The following PBX4 variants were observed in gnomAD, a reference collection of about 807,000 sequenced individuals.
The protein encoded by PBX4 is PBX homeobox 4.
A neutral mutation model predicts 35.1 loss-of-function variants in PBX4; 26 were observed. The observed-to-expected ratio is 0.74, with a 90% CI of 0.54 to 1.03. The LOEUF is 1.03. PBX4 is among the 50% of genes least tolerant of loss of function. PBX4 has a pLI of 0.00. For missense variants in PBX4, 448 were observed against 504.3 expected, an observed-to-expected ratio of 0.89 and a Z score of 1.07; for synonymous variants, 199 against 204.2, an observed-to-expected ratio of 0.97 and a Z score of 0.22.
In PBX4 at chr19:19,570,878, A is replaced by C. The variant is rs371454452; in HGVS notation, c.194-45T>G. On this transcript the variant is annotated intron_variant, in intron 2 of 7. Coordinates refer to ENST00000251203, the MANE Select transcript of PBX4 (RefSeq NM_025245.3). ...ACAAGTCACAATTCATTTTCTGGAG[A>C]GAAAACAAACCATGAGAAAATGTGA... 4 of 1,599,234 alleles carry C rather than the reference A, an allele frequency of 2.5e-6. No individual in the cohort carries two copies. The South Asian group carries it at 4.5e-5, about 18-fold the overall frequency.
At chr19:19,604,987 G>A (rs558472418) in intron 1 of PBX4, among the ~76,000 whole-genome samples, 106 of 151,868 alleles carry the variant, frequency 7.0e-4, no homozygotes, top group Non-Finnish European at 1.4e-3. Flanking sequence ...CATAGAAGTG[G>A]TATTAACATT....
intron 1 of PBX4, 116 bp downstream of exon 1, chr19:19,618,395 C>T: frequency 1.0e-6 from 1 of 979,760 alleles, no homozygotes; most frequent in South Asian, 2.9e-5. Flanking sequence ...CTCGGGACCC[C>T]CCTCCAGCCC....
intron 1 of PBX4, among the ~76,000 whole-genome samples, chr19:19,616,074 C>A (rs1029837907): frequency 1.3e-5 from 2 of 152,274 alleles, no homozygotes; most frequent in East Asian, 3.9e-4. Context: ...CCTCACCTTA[C>A]AACAGTCCCC....
chr19:19,599,009 C>T (rs2061578695), intron 2 of PBX4, among the ~76,000 whole-genome samples: 1 of 150,476 alleles, frequency 6.6e-6, no homozygotes, highest in Admixed American at 6.7e-5. Flanking sequence ...ACTCTTGTTG[C>T]CCAGGCTGGA....
At chr19:19,597,897 C>T (rs1392834596) in intron 2 of PBX4, among the ~76,000 whole-genome samples, 1 of 152,196 alleles carries the variant, frequency 6.6e-6, no homozygotes, top group Admixed American at 6.5e-5. Flanking sequence ...AGGACACACA[C>T]ATTGCCTCTG....
At position 19,596,839 on chromosome 19, in the gene PBX4, C is replaced by T. The variant is rs893241852; in HGVS notation, c.193+2453G>A. On this transcript the variant is annotated intron_variant, in intron 2 of 7. Coordinates refer to ENST00000251203, the MANE Select transcript of PBX4 (RefSeq NM_025245.3). ...GAGGATGGGGTGTGAGGATCACCCA[C>T]CCAGGAGGCTGAAGTGAGCCAAGAT... Among the ~76,000 whole-genome samples the T allele has an allele frequency of 2.0e-5, 3 of 151,492 alleles. No homozygotes were observed. The South Asian group carries it at 6.2e-4, about 32-fold the overall frequency.
intron 1 of PBX4, among the ~76,000 whole-genome samples, chr19:19,604,251 ACTT>A (rs1391297683): frequency 6.6e-6 from 1 of 151,992 alleles, no homozygotes; most frequent in Non-Finnish European, 1.5e-5. Flanking sequence ...TGGGGGGATC[ACTT>A]GAGGTCAGGA....
chr19:19,586,059 C>T (rs1266726759), intron 2 of PBX4, among the ~76,000 whole-genome samples: 1 of 152,156 alleles, frequency 6.6e-6, no homozygotes, highest in Non-Finnish European at 1.5e-5. Context: ...TAAAACACTG[C>T]AGTTCTGAAA....
chr19:19,576,188 A>G (rs2061418308), intron 2 of PBX4, among the ~76,000 whole-genome samples: 1 of 152,046 alleles, frequency 6.6e-6, no homozygotes, highest in South Asian at 2.1e-4. Flanking sequence ...TCTGGAGTTC[A>G]AGACCAGCCT....
rs547539073 is a variant in PBX4 at position 19,612,972 on chromosome 19, A to C, written c.119+5539T>G. Among the ~76,000 whole-genome samples the C allele has an allele frequency of 6.6e-5, 10 of 151,680 alleles. No homozygotes were observed. The South Asian group carries it at 2.1e-3, about 32-fold the overall frequency. On this transcript the variant is annotated intron_variant, in intron 1 of 7. Transcript: ENST00000251203. ...TAGCTGACACATACTACAGGTGGGCATCATCATGCCCAGCTAATTTTTGTA... is the reference window on the plus strand; with the variant it reads ...TAGCTGACACATACTACAGGTGGGCCTCATCATGCCCAGCTAATTTTTGTA...
At chr19:19,570,916 T>G (rs1182328095) in intron 2 of PBX4, 83 bp from the exon 3 acceptor site, 1 of 1,544,600 alleles carries the variant, frequency 6.5e-7, no homozygotes, top group Non-Finnish European at 8.8e-7. Context: ...ACTGGTGTTA[T>G]GTCTGAAGAT....
chr19:19,564,405 G>T (rs1241215247), intron 6 of PBX4, among the ~76,000 whole-genome samples: 1 of 151,840 alleles, frequency 6.6e-6, no homozygotes. Context: ...TTGGACATTT[G>T]GGTTGGTTCC....
chr19:19,588,062 G>A (rs548357244), intron 2 of PBX4: 7 of 695,854 alleles, frequency 1.0e-5, no homozygotes, highest in East Asian at 8.8e-5. Context: ...GATGTGGGGC[G>A]GTGGGGAGGA....
At chr19:19,568,735 C>T (rs1235959250) in intron 5 of PBX4, among the ~76,000 whole-genome samples, 2 of 152,138 alleles carry the variant, frequency 1.3e-5, no homozygotes, top group African/African-American at 4.8e-5. Flanking sequence ...CTGTATCCCT[C>T]AGGGAGCTCA....
intron 1 of PBX4, among the ~76,000 whole-genome samples, chr19:19,603,307 CTTTTTTTCT>C (rs1307705526): frequency 1.3e-5 from 2 of 151,908 alleles, no homozygotes; most frequent in African/African-American, 2.4e-5. Context: ...GGTTTTTTTT[CTTTTTTTCT>C]TTTTTTTCTT....
At position 19,569,455 on chromosome 19, in the gene PBX4, G is replaced by C. The variant is rs1460955886; in HGVS notation, c.762C>G (p.Ile254Met). The C allele has an allele frequency of 6.2e-7, 1 of 1,611,514 alleles. No homozygotes were observed. Among genetic ancestry groups the C allele is most frequent in the East Asian group, 2.2e-5 (1 of 44,730 alleles). The change falls in exon 5 of 8, where the codon ATC (isoleucine) becomes ATG (methionine). Residue 254 changes from isoleucine (I) to methionine (M), a missense_variant. Physicochemically the swap from Ile to Met is conservative, Grantham distance 10. Coordinates refer to ENST00000251203, the MANE Select transcript of PBX4 (RefSeq NM_025245.3). ...EELARKGGLT[I>M]SQVSNWFGNK... The stretch of plus-strand genomic sequence containing the variant: ...TGGCAGGAGAGAACGTCACCTGGGA[G>C]ATGGTGAGGCCGCCCTTCCTGGCCA...
In PBX4 at chr19:19,562,204, G is replaced by A; in HGVS notation, c.1033-87C>T. On this transcript the variant is annotated intron_variant, in intron 7 of 7. Transcript: ENST00000251203. This position sits in a 1 kb window ranked among gnomAD's most constrained non-coding sequence, Gnocchi z 4.8. ...ACGTGCTGCAGGCGGAGCCTCCAGG[G>A]GTCCCTGGGAAGGCTTGGAAAAGAT... 3 of 991,710 alleles carry A rather than the reference G, an allele frequency of 3.0e-6. No homozygotes were observed. The highest frequency in any genetic ancestry group is 5.4e-5 in the Admixed American group (2 of 37,342). 61.4% of individuals were successfully genotyped at this position (991,710 alleles called of 1,614,324 possible). A position where few individuals can be genotyped will look rare whatever the true frequency, so the allele number is the denominator to read the frequency against.
chr19:19,614,986 C>T (rs965791849), intron 1 of PBX4, among the ~76,000 whole-genome samples: 1 of 151,452 alleles, frequency 6.6e-6, no homozygotes, highest in Non-Finnish European at 1.5e-5. Flanking sequence ...ACGGTGAAAC[C>T]CTGTCTCTAC....
chr19:19,581,180 G>T (rs1188239348), intron 2 of PBX4, among the ~76,000 whole-genome samples: 1 of 152,224 alleles, frequency 6.6e-6, no homozygotes, highest in East Asian at 1.9e-4. Flanking sequence ...GTAATTTGAT[G>T]TCTATTGAAT....
Sources: allele counts gnomAD v4.1 joint callset (sites outside exome capture counted in the v4.1 genomes callset), GRCh38; gene constraint gnomAD v4.1.1; non-coding constraint Gnocchi (gnomAD v3.1); transcripts MANE v1.5; gene names NCBI Gene and HGNC (gene_info 2026-07-23, HGNC 2026-07-21).